TCF25: variants seen among roughly 807,000 people sequenced by gnomAD.
TCF25 encodes the protein TCF25 ribosome quality control complex subunit.
A neutral mutation model predicts 83.1 loss-of-function variants in TCF25; 41 were observed. The observed-to-expected ratio is 0.49, with a 90% CI of 0.38 to 0.64. The LOEUF (loss-of-function observed/expected upper bound fraction) is 0.64. Among genes scored for constraint, TCF25 ranks in the 30% least tolerant of loss-of-function variants. The probability of loss-of-function intolerance (pLI) is 0.00; values close to 1 mark genes in which losing one functional copy is unlikely to be tolerated. For missense variants in TCF25, 979 were observed against 914.5 expected (o/e 1.07, Z -0.91); for synonymous variants, 458 against 365.0 (o/e 1.25, Z -2.90).
At position 89,892,280 on chromosome 16, in the gene TCF25, G is replaced by C. The variant is rs1466581129; in HGVS notation, c.697+5G>C. 4 of 1,609,922 alleles carry C rather than the reference G, an allele frequency of 2.5e-6. No homozygotes were observed. Among genetic ancestry groups the C allele is most frequent in the Non-Finnish European group, 3.4e-6 (4 of 1,178,490 alleles). The stretch of plus-strand genomic sequence containing the variant: ...GGCCCCGCTACAGCAAACCAGGTGA[G>C]GGTCTGCAGATGCTGCTGGGGATGG... On this transcript the variant is annotated splice_donor_5th_base_variant and intron_variant, in intron 6 of 17. Transcript: ENST00000263346.
chr16:89,895,089 G>A lies in TCF25; in HGVS notation c.880G>A (p.Asp294Asn), dbSNP rs1013912868. The A allele has an allele frequency of 3.7e-6, 6 of 1,613,100 alleles. No homozygotes were observed. Among genetic ancestry groups the A allele is most frequent in the Non-Finnish European group, 5.1e-6 (6 of 1,179,802 alleles). ...CGTTGACTCACTCCTGCAGCTCAGC[G>A]ATGCCTGCCGCTTTCAAGAGGATCA... The part of the protein sequence containing the change: ...YHVDSLLQLS[D>N]ACRFQEDQEM... The change falls in exon 8 of 18, where the codon GAT becomes AAT. Residue 294 changes from aspartate (D) to asparagine (N), a missense_variant. Transcript: ENST00000263346.
rs968717948 is a variant in TCF25, at chr16:89,883,782, C to T, written c.354+270C>T. The T allele has an allele frequency of 4.8e-5, 18 of 377,768 alleles. No homozygotes were observed. In the East Asian group the frequency reaches 5.2e-4, roughly 11 times the overall value. 23.4% of individuals were successfully genotyped at this position (377,768 alleles called of 1,614,324 possible). A position where few individuals can be genotyped will look rare whatever the true frequency, so the allele number is the denominator to read the frequency against. On this transcript the variant is annotated intron_variant, in intron 2 of 17. Transcript: ENST00000263346. ...CACACGTGTGTCCCTCCTAGCCAAC[C>T]GCGCACGTGTGTCCCTCCTAGCCGA...
At chr16:89,874,571 T>C (rs2042027259) in intron 1 of TCF25, 1 of 152,424 alleles carries the variant, frequency 6.6e-6, no homozygotes, top group African/African-American at 2.4e-5. Flanking sequence ...GGATTAGTCT[T>C]ACTCTTTGCT....
Position 89,883,339 on chromosome 16 carries a change from C to G in TCF25, c.193-12C>G. 6.2e-7 allele frequency: 1 copy of G among 1,612,060 alleles called. No individual in the cohort carries two copies. The highest frequency in any genetic ancestry group is 8.5e-7 in the Non-Finnish European group (1 of 1,178,270). On this transcript the variant is annotated splice_polypyrimidine_tract_variant and intron_variant, in intron 1 of 17. Transcript: ENST00000263346. Reference sequence around the variant, plus strand: ...AGTAACGCCCTGGCTCTTCTCCAACCTGTTTTTCCAGATAAACATTGACGA... The same window carrying G: ...AGTAACGCCCTGGCTCTTCTCCAACGTGTTTTTCCAGATAAACATTGACGA...
intron 5 of TCF25, chr16:89,890,585 T>C (rs1003456681): frequency 1.3e-5 from 2 of 152,198 alleles, no homozygotes; most frequent in Admixed American, 6.5e-5. Flanking sequence ...TTTTTGGTGT[T>C]GATGGGTTTC....
chr16:89,897,271 C>G (rs1211939150), intron 9 of TCF25, among the ~76,000 whole-genome samples: 1 of 152,254 alleles, frequency 6.6e-6, no homozygotes, highest in Admixed American at 6.5e-5. Flanking sequence ...ATACTTCTGC[C>G]CCTAAAGCCA....
At chr16:89,910,174 G>A (rs2045432598) in intron 16 of TCF25, 1 of 190,106 alleles carries the variant, frequency 5.3e-6, no homozygotes. Context: ...AGCCGGGCCG[G>A]TAGCCCTTCG....
At chr16:89,883,696 T>G (rs1597283560) in intron 2 of TCF25, 184 bp downstream of exon 2, 1 of 669,914 alleles carries the variant, frequency 1.5e-6, no homozygotes, top group East Asian at 2.8e-5. Flanking sequence ...TGAGTGAAGG[T>G]CGCAGGCCTT....
rs75264751 is a variant in TCF25 at position 89,894,152 on chromosome 16, G to T, written c.828+294G>T. 2.0e-5 allele frequency among the ~76,000 whole-genome samples: 3 copies of T among 152,298 alleles called. No individual in the cohort carries two copies. In the East Asian group the frequency reaches 5.8e-4, roughly 29 times the overall value. On this transcript the variant is annotated intron_variant, in intron 7 of 17. Coordinates refer to ENST00000263346, the MANE Select transcript of TCF25 (RefSeq NM_014972.3). ...TGTGATGCAGGCCCAGGACTCTGGG[G>T]CTTCTCACTGCTGCCCTTGCCTCCT... is the stretch of plus-strand genomic sequence containing the variant.
At chr16:89,905,439 C>T (rs541086606) in intron 14 of TCF25, among the ~76,000 whole-genome samples, 9 of 152,300 alleles carry the variant, frequency 5.9e-5, no homozygotes, top group Non-Finnish European at 8.8e-5. Flanking sequence ...CTGGCAGAGA[C>T]GAGAAAGAGT....
chr16:89,883,286 A>G, intron 1 of TCF25, 65 bp from the exon 2 acceptor site: 2 of 1,579,660 alleles, frequency 1.3e-6, no homozygotes, highest in Non-Finnish European at 1.7e-6. Flanking sequence ...CTCACTATTC[A>G]TATCTCAGCA....
chr16:89,900,168 G>T (rs901613817), intron 11 of TCF25, among the ~76,000 whole-genome samples: 8 of 150,840 alleles, frequency 5.3e-5, no homozygotes, highest in African/African-American at 9.9e-5. Context: ...TCTACAATAT[G>T]TGACATAGGC....
chr16:89,899,363 A>C (rs73276565), intron 11 of TCF25, among the ~76,000 whole-genome samples: 6,507 of 152,266 alleles, frequency 0.043, 500 homozygotes, highest in African/African-American at 0.15. Context: ...CACGTGTTGG[A>C]ATGATAATTT....
Position 89,904,719 on chromosome 16 carries a change from C to A in TCF25, c.1470-219C>A, listed in dbSNP as rs1188807274. Reference sequence around the variant, plus strand: ...ATTTTCACATTTCTGTGACGTCAGTCCTGCTTCCTAAAGAACATAACCTGC... The same window carrying A: ...ATTTTCACATTTCTGTGACGTCAGTACTGCTTCCTAAAGAACATAACCTGC... On this transcript the variant is annotated intron_variant, in intron 13 of 17. Coordinates refer to ENST00000263346, the MANE Select transcript of TCF25 (RefSeq NM_014972.3). 2.9e-5 allele frequency: 20 copies of A among 691,626 alleles called. No homozygotes were observed. The African/African-American group carries it at 3.5e-4, about 12-fold the overall frequency. The allele number at this position is 691,626 out of a possible 1,614,324, so 42.8% of individuals were successfully genotyped here.
Position 89,885,844 on chromosome 16 carries a change from T to C in TCF25, c.430-4T>C. On this transcript the variant is annotated splice_polypyrimidine_tract_variant and splice_region_variant and intron_variant, in intron 3 of 17. Coordinates refer to ENST00000263346, the MANE Select transcript of TCF25 (RefSeq NM_014972.3). ...TGATTAAGAGGTTGTTTTGGGGCTT[T>C]TAGGAAAACGGACTAGAAGATATCG... is the stretch of plus-strand genomic sequence containing the variant. 1 of 1,602,264 alleles carries C rather than the reference T, an allele frequency of 6.2e-7. No individual in the cohort carries two copies. Among genetic ancestry groups the C allele is most frequent in the Non-Finnish European group, 8.5e-7 (1 of 1,169,860 alleles).
At chr16:89,898,011 G>A (rs1004666094) in intron 9 of TCF25, among the ~76,000 whole-genome samples, 4 of 152,082 alleles carry the variant, frequency 2.6e-5, no homozygotes, top group Non-Finnish European at 5.9e-5. Flanking sequence ...GGCTGAGGCA[G>A]GAGAATGGCA....
chr16:89,875,392 G>C (rs139149368), intron 1 of TCF25, among the ~76,000 whole-genome samples: 1 of 151,686 alleles, frequency 6.6e-6, no homozygotes, highest in South Asian at 2.1e-4. Context: ...GTATTTTCTC[G>C]GTTTGTGTTT....
chr16:89,907,500 T>G (rs943889383), intron 16 of TCF25, among the ~76,000 whole-genome samples, 178 bp downstream of exon 16: 3 of 7,488 alleles, frequency 4.0e-4, no homozygotes, highest in Admixed American at 1.8e-3. Context: ...CCCACCTCCC[T>G]CCTCCCACCT....
intron 1 of TCF25, among the ~76,000 whole-genome samples, chr16:89,877,215 T>G (rs1191138078): frequency 3.3e-5 from 5 of 152,222 alleles, no homozygotes; most frequent in African/African-American, 1.2e-4. Flanking sequence ...TGTGTTTTGG[T>G]TTTTTGGAGA....
Sources: allele counts gnomAD v4.1 joint callset (sites outside exome capture counted in the v4.1 genomes callset), GRCh38; gene constraint gnomAD v4.1.1; transcripts MANE v1.5; gene names NCBI Gene and HGNC (gene_info 2026-07-23, HGNC 2026-07-21).